Variants in CNTD1 observed in about 807,000 individuals in gnomAD.
CNTD1 encodes the protein cyclin N-terminal domain-containing protein 1.
A neutral mutation model predicts 36.3 loss-of-function variants in CNTD1; 17 were observed. The ratio of observed to expected loss-of-function variants is 0.47; its 90% CI spans 0.32 to 0.70. The LOEUF is 0.70. CNTD1 is among the 30% of genes least tolerant of loss of function. The pLI, the probability that CNTD1 is intolerant of heterozygous loss-of-function variation, is 0.03. For missense variants in CNTD1, 338 were observed against 386.1 expected (o/e 0.88, Z 1.04); for synonymous variants, 128 against 153.3 (o/e 0.83, Z 1.22).
chr17:42,800,960 G>T (rs2054769760), intron 1 of CNTD1, among the ~76,000 whole-genome samples: 1 of 152,194 alleles, frequency 6.6e-6, no homozygotes, highest in Admixed American at 6.5e-5. Flanking sequence ...GCTGAGGCGG[G>T]TGGATCACGA....
Position 42,810,576 on chromosome 17 carries a change from A to G in CNTD1, c.*1041A>G, listed in dbSNP as rs1039707921. 1 of 542,216 alleles carries G rather than the reference A, an allele frequency of 1.8e-6. No homozygotes were observed. The highest frequency in any genetic ancestry group is 3.0e-6 in the Non-Finnish European group (1 of 338,364). The allele number at this position is 542,216 out of a possible 1,614,324, so 33.6% of individuals were successfully genotyped here. A position where few individuals can be genotyped will look rare whatever the true frequency, so the allele number is the denominator to read the frequency against. On this transcript the variant is annotated 3_prime_UTR_variant, in exon 7 of 7. Coordinates refer to ENST00000588408, the MANE Select transcript of CNTD1 (RefSeq NM_173478.3). ...ACCAGGGCTGGCAACTATAGATGGC[A>G]TGTTGTAGCTCTGGAAAGTATCTGT...
At chr17:42,799,400 C>T (rs2054733481) in intron 1 of CNTD1, among the ~76,000 whole-genome samples, 164 bp downstream of exon 1, 1 of 152,146 alleles carries the variant, frequency 6.6e-6, no homozygotes, top group South Asian at 2.1e-4. Flanking sequence ...CAACAGTGCC[C>T]TCCCCTTGAT....
At position 42,798,948 on chromosome 17, in the gene CNTD1, C is replaced by T; in HGVS notation, c.-120C>T. 2 of 1,474,818 alleles carry T rather than the reference C, an allele frequency of 1.4e-6. No individual in the cohort carries two copies. The highest frequency in any genetic ancestry group is 1.8e-6 in the Non-Finnish European group (2 of 1,114,168). The allele number at this position is 1,474,818 out of a possible 1,614,324, so 91.4% of individuals were successfully genotyped here. ...TGGGTTTTCCTCAGACTTGAGGCGACGACACACTCATTGGAAGGGGACGAG... is the reference window on the plus strand; with the variant it reads ...TGGGTTTTCCTCAGACTTGAGGCGATGACACACTCATTGGAAGGGGACGAG... On this transcript the variant is annotated 5_prime_UTR_variant, in exon 1 of 7. In the 5' UTR this introduces an upstream ATG that the reference lacks. Coordinates refer to ENST00000588408, the MANE Select transcript of CNTD1 (RefSeq NM_173478.3).
chr17:42,810,548 C>A lies in CNTD1; in HGVS notation c.*1013C>A. 2.5e-6 allele frequency: 1 copy of A among 406,540 alleles called. No individual in the cohort carries two copies. 25.2% of individuals were successfully genotyped at this position (406,540 alleles called of 1,614,324 possible). On this transcript the variant is annotated 3_prime_UTR_variant, in exon 7 of 7. Coordinates refer to ENST00000588408, the MANE Select transcript of CNTD1 (RefSeq NM_173478.3). ...GAGTCCATGGGGTTAAGAATCAAAA[C>A]TGACCAGGGCTGGCAACTATAGATG...
At position 42,804,335 on chromosome 17, in the gene CNTD1, A is replaced by G. The variant is rs2054841877; in HGVS notation, c.356A>G (p.Lys119Arg). The G allele has an allele frequency of 3.7e-6, 6 of 1,614,116 alleles. No homozygotes were observed. The East Asian group carries it at 1.3e-4, about 36-fold the overall frequency. The change falls in exon 3 of 7, where the codon AAG becomes AGG. Residue 119 changes from lysine to arginine, a missense_variant. Transcript: ENST00000588408. ...WRALKQQLVN[K>R]FTLRLVSCVQ... ...GCTCTGAAACAGCAGCTTGTCAACA[A>G]GTTTACTCTCCGTCTTGTGTCATGT...
chr17:42,800,361 T>C (rs1160915091), intron 1 of CNTD1, among the ~76,000 whole-genome samples: 1 of 152,120 alleles, frequency 6.6e-6, no homozygotes, highest in Non-Finnish European at 1.5e-5. Context: ...ACAGTGTTTC[T>C]ACCAAAAAGA....
intron 1 of CNTD1, among the ~76,000 whole-genome samples, chr17:42,801,424 A>T (rs2054780949): frequency 6.9e-6 from 1 of 145,482 alleles, no homozygotes; most frequent in South Asian, 2.2e-4. Context: ...GGAACCCGGG[A>T]GGCAGAGGTT....
intron 1 of CNTD1, among the ~76,000 whole-genome samples, chr17:42,799,752 CAAAAAA>C (rs780393099): frequency 0.011 from 113 of 10,534 alleles, no homozygotes; most frequent in African/African-American, 0.014. Flanking sequence ...AACTCCGTCT[CAAAAAA>C]AAAAAAAAAA....
chr17:42,808,843 T>C (rs1375284139), intron 6 of CNTD1, among the ~76,000 whole-genome samples: 2 of 151,920 alleles, frequency 1.3e-5, no homozygotes, highest in East Asian at 1.9e-4. Flanking sequence ...AGCCCAGGAG[T>C]TGGAGACAAG....
rs1226686960 is a variant in CNTD1 at position 42,809,510 on chromosome 17, A to T, written c.968A>T (p.Lys323Met). The T allele has an allele frequency of 6.2e-6, 10 of 1,614,034 alleles. No individual in the cohort carries two copies. The highest frequency in any genetic ancestry group is 3.3e-5 in the Admixed American group (2 of 60,006). The part of the protein sequence containing the change: ...IPPHLAARAL[K>M]TVASSNT ...CCCCACCTGGCAGCCAGAGCTCTGA[A>T]GACTGTTGCTTCCTCTAACACATGA... The change falls in exon 7 of 7, where the codon AAG (lysine) becomes ATG (methionine). Residue 323 changes from lysine to methionine, a missense_variant. Coordinates refer to ENST00000588408, the MANE Select transcript of CNTD1 (RefSeq NM_173478.3).
Position 42,810,655 on chromosome 17 carries a change from T to C in CNTD1, c.*1120T>C. The C allele has an allele frequency of 8.1e-7, 1 of 1,227,240 alleles. No individual in the cohort carries two copies. 76.0% of individuals were successfully genotyped at this position (1,227,240 alleles called of 1,614,324 possible). A position where few individuals can be genotyped will look rare whatever the true frequency, so the allele number is the denominator to read the frequency against. ...TTGTGGATTTTTTCTTTTTTGGTATTGTAAACATGTACTGTTTAATATTAC... is the reference window on the plus strand; with the variant it reads ...TTGTGGATTTTTTCTTTTTTGGTATCGTAAACATGTACTGTTTAATATTAC... On this transcript the variant is annotated 3_prime_UTR_variant, in exon 7 of 7. Transcript: ENST00000588408.
chr17:42,807,323 G>C (rs2144128015), intron 5 of CNTD1, among the ~76,000 whole-genome samples: 1 of 152,272 alleles, frequency 6.6e-6, no homozygotes, highest in Admixed American at 6.5e-5. Flanking sequence ...GCTGAGGCAG[G>C]AGAATGGCGT....
intron 6 of CNTD1, 80 bp from the exon 7 acceptor site, chr17:42,809,285 A>G: frequency 1.5e-6 from 2 of 1,310,642 alleles, no homozygotes; most frequent in South Asian, 1.4e-5. Context: ...TTGAGAGAAC[A>G]TCCCAAGTAA....
Position 42,804,230 on chromosome 17 carries a change from T to C in CNTD1, c.251T>C (p.Met84Thr), listed in dbSNP as rs1040949109. 1.2e-6 allele frequency: 2 copies of C among 1,613,478 alleles called. No individual in the cohort carries two copies. The highest frequency in any genetic ancestry group is 2.7e-5 in the African/African-American group (2 of 74,918). ...TCTCCCTCCCTTCCCTACAGGTTTA[T>C]GGTAAAACAGGCAGAGAACATCTGC... ...YQAVEILERF[M>T]VKQAENICRQ... The change falls in exon 3 of 7, where the codon ATG (methionine) becomes ACG (threonine). Residue 84 changes from methionine to threonine, a missense_variant. Coordinates refer to ENST00000588408, the MANE Select transcript of CNTD1 (RefSeq NM_173478.3).
At chr17:42,801,495 C>CAAAAAAA (rs748783042) in intron 1 of CNTD1, among the ~76,000 whole-genome samples, 1 of 35,306 alleles carries the variant, frequency 2.8e-5, no homozygotes, top group Non-Finnish European at 4.4e-5. Flanking sequence ...GACCTTGTCT[C>CAAAAAAA]AAAAAAAAAA....
intron 1 of CNTD1, among the ~76,000 whole-genome samples, chr17:42,800,091 G>T (rs1263993227): frequency 1.7e-5 from 2 of 120,504 alleles, no homozygotes; most frequent in Non-Finnish European, 1.5e-5. Flanking sequence ...AAAAAAAAAA[G>T]AGAAAAGAAA....
intron 1 of CNTD1, among the ~76,000 whole-genome samples, chr17:42,799,752 CAAAAAAAAAAAAAA>C (rs780393099): frequency 7.6e-4 from 8 of 10,592 alleles, no homozygotes; most frequent in East Asian, 4.2e-3. Flanking sequence ...AACTCCGTCT[CAAAAAAAAAAAAAA>C]AAAAAAAAAA....
At chr17:42,807,139 G>A (rs970154971) in intron 5 of CNTD1, among the ~76,000 whole-genome samples, 4 of 152,234 alleles carry the variant, frequency 2.6e-5, no homozygotes, top group East Asian at 1.9e-4. Flanking sequence ...AACAGTCGCC[G>A]GCGCGGTGGC....
At chr17:42,802,151 G>A (rs2054806568) in intron 1 of CNTD1, among the ~76,000 whole-genome samples, 1 of 152,124 alleles carries the variant, frequency 6.6e-6, no homozygotes, top group Non-Finnish European at 1.5e-5. Context: ...AGGATTGCTT[G>A]AGCCCAGGAG....
Sources: allele counts gnomAD v4.1 joint callset (sites outside exome capture counted in the v4.1 genomes callset), GRCh38; gene constraint gnomAD v4.1.1; transcripts MANE v1.5; gene names NCBI Gene and HGNC (gene_info 2026-07-23, HGNC 2026-07-21).